Variants in KIAA1671 observed in about 807,000 individuals in gnomAD.
The protein encoded by KIAA1671 is uncharacterized protein KIAA1671.
A neutral mutation model predicts 131.2 loss-of-function variants in KIAA1671; 52 were observed. The observed-to-expected ratio is 0.40, with a 90% CI of 0.32 to 0.50. KIAA1671 has a LOEUF of 0.50. KIAA1671 is among the 20% of genes least tolerant of loss of function. KIAA1671 has a pLI of 0.73. For synonymous variants in KIAA1671, 1,003 were observed against 961.6 expected (o/e 1.04, Z -0.80); for missense variants, 2,360 against 2,364.2 (o/e 1.00, Z 0.04).
intron 6 of KIAA1671, chr22:25,051,150 G>C (rs1255616874): frequency 6.6e-6 from 1 of 152,222 alleles, no homozygotes; most frequent in Non-Finnish European, 1.5e-5. Flanking sequence ...GTGGGTGGAG[G>C]GACTTAGCAT....
In KIAA1671 at chr22:25,039,390, G is replaced by T; in HGVS notation, c.2260G>T (p.Glu754Ter). 6.4e-7 allele frequency: 1 copy of T among 1,551,838 alleles called. No individual in the cohort carries two copies. Residue 754 changes from glutamate (E) to a stop codon, truncating the protein, a stop_gained, in exon 5 of 13, where the codon GAG becomes TAG. Coordinates refer to ENST00000358431, the MANE Select transcript of KIAA1671 (RefSeq NM_001145206.2). LOFTEE classifies it high-confidence loss of function. ...HSEAISPAPE[E>*]KAVTLRSLRS... ...CGAGGCCATCTCACCGGCACCGGAG[G>T]AGAAAGCGGTCACGCTCCGCAGCCT... is the stretch of plus-strand genomic sequence containing the variant.
intron 1 of KIAA1671, among the ~76,000 whole-genome samples, chr22:24,990,532 C>G (rs1027798653): frequency 6.6e-6 from 1 of 152,246 alleles, no homozygotes; most frequent in African/African-American, 2.4e-5. Context: ...ACACATGTGC[C>G]TGCCCAATGT....
At chr22:25,126,780 G>C (rs2145937331) in intron 6 of KIAA1671, among the ~76,000 whole-genome samples, 1 of 152,358 alleles carries the variant, frequency 6.6e-6, no homozygotes. Flanking sequence ...TTGGAGGCCA[G>C]GTGATTCTCA....
chr22:25,055,200 A>T (rs1927771818), intron 6 of KIAA1671: 1 of 149,696 alleles, frequency 6.7e-6, no homozygotes, highest in Admixed American at 6.6e-5. Context: ...GGAGGGGAGG[A>T]ACATTTGGAT....
At chr22:25,148,001 TCAC>T (rs759695535) in intron 6 of KIAA1671, among the ~76,000 whole-genome samples, 1 of 40,502 alleles carries the variant, frequency 2.5e-5, no homozygotes, top group African/African-American at 2.3e-4. Flanking sequence ...CCTCCCTACC[TCAC>T]TCTCTCCCTT....
At chr22:25,030,147 A>T (rs975368102) in intron 3 of KIAA1671, among the ~76,000 whole-genome samples, 1 of 152,210 alleles carries the variant, frequency 6.6e-6, no homozygotes, top group East Asian at 1.9e-4. Context: ...CGATGTTGTC[A>T]ATCAGTTGGT....
intron 6 of KIAA1671, among the ~76,000 whole-genome samples, chr22:25,138,519 C>T (rs1014218540): frequency 7.2e-5 from 11 of 152,184 alleles, no homozygotes; most frequent in Non-Finnish European, 1.3e-4. Flanking sequence ...CCATTTTCTC[C>T]TTCTCTGAAG....
intron 6 of KIAA1671, chr22:25,054,632 T>A (rs1299245814): frequency 6.7e-6 from 1 of 149,956 alleles, no homozygotes; most frequent in Admixed American, 6.6e-5. Context: ...GGAACCTCCC[T>A]GTGTTCAGGT....
Position 25,081,727 on chromosome 22 carries a change from T to C in KIAA1671, c.4530+32363T>C, listed in dbSNP as rs1929418030. ...GTTCTGACTGTCCAAATTTTGCAAA[T>C]GAGGACACCGAGCAAAACCTGACTT... is the stretch of plus-strand genomic sequence containing the variant. On this transcript the variant is annotated intron_variant, in intron 6 of 12. Transcript: ENST00000358431. 2.0e-5 allele frequency among the ~76,000 whole-genome samples: 3 copies of C among 151,918 alleles called. No homozygotes were observed. In the South Asian group the frequency reaches 6.2e-4, roughly 32 times the overall value.
chr22:25,182,133 T>C (rs1164670879), intron 10 of KIAA1671, among the ~76,000 whole-genome samples: 1 of 151,760 alleles, frequency 6.6e-6, no homozygotes, highest in Non-Finnish European at 1.5e-5. Context: ...AAGCCGAGAT[T>C]GCGCCACGGC....
chr22:25,039,267 A>G lies in KIAA1671; in HGVS notation c.2137A>G (p.Asn713Asp), dbSNP rs1926784210. Residue 713 changes from asparagine to aspartate, a missense_variant, in exon 5 of 13, where the codon AAT becomes GAT. Physicochemically the swap from Asn to Asp is conservative, Grantham distance 23. Coordinates refer to ENST00000358431, the MANE Select transcript of KIAA1671 (RefSeq NM_001145206.2). Reference sequence around the variant, plus strand: ...ATACCCTTTGTCTGAAAACCACAATAATAACACCTTCCTCAAACACTTGGA... The same window carrying G: ...ATACCCTTTGTCTGAAAACCACAATGATAACACCTTCCTCAAACACTTGGA... Reference protein sequence around the residue: ...DKYPLSENHNNNTFLKHLENP... With the variant: ...DKYPLSENHNDNTFLKHLENP... 2 of 1,552,302 alleles carry G rather than the reference A, an allele frequency of 1.3e-6. No individual in the cohort carries two copies. The highest frequency in any genetic ancestry group is 3.9e-5 in the Admixed American group (2 of 51,020).
intron 6 of KIAA1671, among the ~76,000 whole-genome samples, chr22:25,142,266 T>C (rs755800251): frequency 4.6e-5 from 7 of 152,214 alleles, no homozygotes; most frequent in Non-Finnish European, 8.8e-5. Context: ...GGGAATGTTC[T>C]GCCCACTGAG....
chr22:24,957,310 C>T lies in KIAA1671; in HGVS notation c.-208+4538C>T, dbSNP rs540110919. On this transcript the variant is annotated intron_variant, in intron 1 of 12. Coordinates refer to ENST00000358431, the MANE Select transcript of KIAA1671 (RefSeq NM_001145206.2). The stretch of plus-strand genomic sequence containing the variant: ...ACAGCACTGGCAAAGGCATAGATCG[C>T]CTGGAGAACTGCATGCCAACTGATA... 2.0e-4 allele frequency among the ~76,000 whole-genome samples: 31 copies of T among 152,218 alleles called. 1 individual carries two copies. Among genetic ancestry groups the T allele is most frequent in the Middle Eastern group, 6.8e-3 (2 of 294 alleles).
chr22:25,083,253 G>C (rs1387438971), intron 6 of KIAA1671, among the ~76,000 whole-genome samples: 1 of 152,134 alleles, frequency 6.6e-6, no homozygotes, highest in Admixed American at 6.5e-5. Context: ...TCTTCCCTCT[G>C]CGTGTGTGGG....
chr22:24,964,550 TA>T (rs1324615454), intron 1 of KIAA1671, among the ~76,000 whole-genome samples: 1 of 152,018 alleles, frequency 6.6e-6, no homozygotes, highest in Non-Finnish European at 1.5e-5. Context: ...GCCTTCTGAG[TA>T]GCTGGGACCA....
At position 25,093,810 on chromosome 22, in the gene KIAA1671, CTGTCTCTCTCTCTTTCTCTCTCTG is replaced by C. The variant is rs1568951430; in HGVS notation, c.4530+44448_4530+44471del. 2.9e-4 allele frequency among the ~76,000 whole-genome samples: 32 copies of C among 111,136 alleles called. 3 individuals carry two copies. Among genetic ancestry groups the C allele is most frequent in the Admixed American group, 5.6e-4 (6 of 10,762 alleles). The allele number at this position is 111,136 out of a possible 152,430, so 72.9% of individuals were successfully genotyped here. A position where few individuals can be genotyped will look rare whatever the true frequency, so the allele number is the denominator to read the frequency against. On this transcript the variant is annotated intron_variant, in intron 6 of 12. Transcript: ENST00000358431. ...TCTCTCTCTCTCTCTCTCTCTCTCT[CTGTCTCTCTCTCTTTCTCTCTCTG>C]TCTGTCTCTCTCTCTCTCTCTCTCT...
chr22:25,144,853 G>T (rs529852912), intron 6 of KIAA1671, among the ~76,000 whole-genome samples: 1 of 150,588 alleles, frequency 6.6e-6, no homozygotes, highest in East Asian at 1.9e-4. Context: ...CCCCATCACT[G>T]TTAGTTAACC....
intron 6 of KIAA1671, among the ~76,000 whole-genome samples, chr22:25,118,830 C>T (rs1247291209): frequency 6.6e-6 from 1 of 152,148 alleles, no homozygotes; most frequent in Non-Finnish European, 1.5e-5. Flanking sequence ...ACCTCCTGCT[C>T]TTCGTCAGTC....
chr22:25,044,929 G>A (rs1927141000), intron 5 of KIAA1671, among the ~76,000 whole-genome samples: 1 of 152,176 alleles, frequency 6.6e-6, no homozygotes, highest in Non-Finnish European at 1.5e-5. Context: ...GGGAGGCCGA[G>A]GCGGGTGGAT....
Sources: gnomAD v4.1 joint callset for allele counts (sites outside exome capture counted in the v4.1 genomes callset) on GRCh38, gnomAD v4.1.1 for gene constraint, MANE v1.5 for transcripts, NCBI Gene and HGNC (gene_info 2026-07-23, HGNC 2026-07-21) for gene names.